IQCH: variants seen among roughly 807,000 people sequenced by gnomAD.
IQCH encodes IQ motif containing H, also known as IQ domain-containing protein H.
A neutral mutation model predicts 117.0 loss-of-function variants in IQCH; 98 were observed. The observed-to-expected ratio is 0.84, with a 90% CI of 0.71 to 0.99. IQCH has a LOEUF of 0.99. Ranked by LOEUF, IQCH falls within the 50% of genes least tolerant of loss-of-function variation. IQCH has a pLI of 0.00. For synonymous variants in IQCH, 412 were observed against 448.2 expected, an observed-to-expected ratio of 0.92 and a Z score of 1.02; for missense variants, 1,102 against 1,243.8, an observed-to-expected ratio of 0.89 and a Z score of 1.72.
At chr15:67,264,967 A>T (rs1422398546) in intron 3 of IQCH, among the ~76,000 whole-genome samples, 1 of 152,128 alleles carries the variant, frequency 6.6e-6, no homozygotes, top group Non-Finnish European at 1.5e-5. Flanking sequence ...AGAGGCCTAT[A>T]GCAGATAGAG....
Position 67,322,686 on chromosome 15 carries a change from G to A in IQCH, c.388-14289G>A, listed in dbSNP as rs531103134. On this transcript the variant is annotated intron_variant, in intron 4 of 20. Coordinates refer to ENST00000335894, the MANE Select transcript of IQCH (RefSeq NM_001031715.3). Reference sequence around the variant, plus strand: ...AGTTGTTCCTGAGCTCTTGTCCTGCGTCCAAGAAGAATGAGATCATGCTAA... The same window carrying A: ...AGTTGTTCCTGAGCTCTTGTCCTGCATCCAAGAAGAATGAGATCATGCTAA... Among the ~76,000 whole-genome samples the A allele has an allele frequency of 3.3e-5, 5 of 152,208 alleles. No individual in the cohort carries two copies. The South Asian group carries it at 6.2e-4, about 19-fold the overall frequency.
chr15:67,324,262 G>C (rs1040438954), intron 4 of IQCH, among the ~76,000 whole-genome samples: 32 of 147,828 alleles, frequency 2.2e-4, no homozygotes, highest in African/African-American at 8.0e-4. Context: ...TTTCTTAAAA[G>C]AAAGCTCATG....
Position 67,277,802 on chromosome 15 carries a change from G to A in IQCH, c.270-1593G>A, listed in dbSNP as rs1022601813. On this transcript the variant is annotated intron_variant, in intron 3 of 20. Coordinates refer to ENST00000335894, the MANE Select transcript of IQCH (RefSeq NM_001031715.3). ...CCCGCCTCAGCCTCCCAAAGTGCTG[G>A]GATTACAGGCTTGAGCCACCGCGCC... Among the ~76,000 whole-genome samples the A allele has an allele frequency of 2.6e-5, 4 of 152,020 alleles. No individual in the cohort carries two copies. In the East Asian group the frequency reaches 5.8e-4, roughly 22 times the overall value.
rs1971442064 is a variant in IQCH, at chr15:67,395,650, A to G, written c.1905+87A>G. The G allele has an allele frequency of 2.5e-6, 3 of 1,209,126 alleles. No homozygotes were observed. Among genetic ancestry groups the G allele is most frequent in the South Asian group, 2.9e-5 (2 of 68,902 alleles). The allele number at this position is 1,209,126 out of a possible 1,614,324, so 74.9% of individuals were successfully genotyped here. Reference sequence around the variant, plus strand: ...CAATTTCCAAGTCTTCTGGAGCCAGACCTACCCAATGAAGAATAGGTGGAA... The same window carrying G: ...CAATTTCCAAGTCTTCTGGAGCCAGGCCTACCCAATGAAGAATAGGTGGAA... On this transcript the variant is annotated intron_variant, in intron 13 of 20. Transcript: ENST00000335894. The surrounding 1 kb of genome is among the most constrained non-coding windows in gnomAD (Gnocchi z 4.0).
In IQCH at chr15:67,372,545, G is replaced by A. The variant is rs1970581329; in HGVS notation, c.1188G>A (p.Lys396=). ...TCTTCCTCTTTTATCGCCAGCAGAA[G>A]TGGGCATCAGGTGTGATTGCCATTG... The part of the protein sequence containing the change: ...RKFFLFYRQQ[K]WASGVIAIAW... The change falls in exon 9 of 21, where the codon AAG becomes AAA. Residue 396 remains lysine, a synonymous_variant. Transcript: ENST00000335894. 3.1e-6 allele frequency: 5 copies of A among 1,613,992 alleles called. No homozygotes were observed. The highest frequency in any genetic ancestry group is 1.3e-5 in the African/African-American group (1 of 74,892).
intron 4 of IQCH, among the ~76,000 whole-genome samples, chr15:67,321,359 C>T (rs1430331480): frequency 3.3e-5 from 5 of 152,144 alleles, no homozygotes; most frequent in Admixed American, 3.3e-4. Flanking sequence ...CTAGAACTAC[C>T]CTTTTATCAT....
At chr15:67,322,339 CA>C (rs1968174065) in intron 4 of IQCH, among the ~76,000 whole-genome samples, 1 of 152,234 alleles carries the variant, frequency 6.6e-6, no homozygotes, top group South Asian at 2.1e-4. Context: ...CATGGTATAT[CA>C]GTCTTTTCTG....
intron 18 of IQCH, among the ~76,000 whole-genome samples, chr15:67,480,435 C>T (rs2043819938): frequency 6.6e-6 from 1 of 152,160 alleles, no homozygotes. Flanking sequence ...CTCCTTCAGC[C>T]TGGGTCCCTG....
chr15:67,300,093 CTT>C (rs2140526324), intron 4 of IQCH, among the ~76,000 whole-genome samples: 2 of 152,180 alleles, frequency 1.3e-5, no homozygotes, highest in African/African-American at 4.8e-5. Context: ...CTTAGCAACT[CTT>C]TGGTGACTCT....
At chr15:67,295,629 C>T (rs1472056231) in intron 4 of IQCH, among the ~76,000 whole-genome samples, 1 of 152,158 alleles carries the variant, frequency 6.6e-6, no homozygotes, top group Non-Finnish European at 1.5e-5. Flanking sequence ...GAACAACCTA[C>T]CTCTGGACTT....
Position 67,403,677 on chromosome 15 carries a change from A to C in IQCH, c.2097+3372A>C, listed in dbSNP as rs1196076560. The C allele has an allele frequency of 6.6e-6, 1 of 152,298 alleles. No individual in the cohort carries two copies. The highest frequency in any genetic ancestry group is 1.5e-5 in the Non-Finnish European group (1 of 68,080). 9.4% of individuals were successfully genotyped at this position (152,298 alleles called of 1,614,324 possible). ...TTAGGAGGAATAAAGGCTTAAACAA[A>C]GGAAGGCAAACATGTAGGGGAGAAA... On this transcript the variant is annotated intron_variant, in intron 14 of 20. Coordinates refer to ENST00000335894, the MANE Select transcript of IQCH (RefSeq NM_001031715.3). This position sits in a 1 kb window ranked among gnomAD's most constrained non-coding sequence, Gnocchi z 4.8.
chr15:67,277,616 C>T (rs1257855944), intron 3 of IQCH, among the ~76,000 whole-genome samples: 1 of 151,424 alleles, frequency 6.6e-6, no homozygotes, highest in Non-Finnish European at 1.5e-5. Flanking sequence ...TCACTGCAAG[C>T]TCCGCCTTCC....
intron 9 of IQCH, 83 bp downstream of exon 9, chr15:67,372,745 C>T: frequency 8.4e-7 from 1 of 1,197,572 alleles, no homozygotes; most frequent in South Asian, 1.5e-5. Flanking sequence ...TTGTCTCTAT[C>T]TTCCCTTTCT....
chr15:67,357,589 C>T (rs1045914808), intron 7 of IQCH, among the ~76,000 whole-genome samples, 168 bp downstream of exon 7: 1 of 152,186 alleles, frequency 6.6e-6, no homozygotes, highest in African/African-American at 2.4e-5. Context: ...TTGTACAAGT[C>T]AACTCTAGCA....
Position 67,443,412 on chromosome 15 carries a change from T to C in IQCH, c.2506-21715T>C, listed in dbSNP as rs533363616. Among the ~76,000 whole-genome samples the C allele has an allele frequency of 6.6e-5, 10 of 152,194 alleles. No homozygotes were observed. The East Asian group carries it at 1.9e-3, about 29-fold the overall frequency. On this transcript the variant is annotated intron_variant, in intron 16 of 20. Transcript: ENST00000335894. The surrounding 1 kb of genome is among the most constrained non-coding windows in gnomAD (Gnocchi z 5.0). ...AGGCATAAGAATGATACAATCGACT[T>C]TGGGGACTTGGGGGAAAGAGTGGGA...
chr15:67,350,151 T>C (rs189646077), intron 6 of IQCH, among the ~76,000 whole-genome samples: 2 of 152,334 alleles, frequency 1.3e-5, no homozygotes, highest in African/African-American at 4.8e-5. Context: ...AGCTGATGAA[T>C]TGAGGTACAT....
chr15:67,407,643 A>C lies in IQCH; in HGVS notation c.2097+7338A>C, dbSNP rs145712073. The C allele has an allele frequency of 3.3e-5, 5 of 152,302 alleles. No individual in the cohort carries two copies. The East Asian group carries it at 9.7e-4, about 29-fold the overall frequency. The allele number at this position is 152,302 out of a possible 1,614,324, so 9.4% of individuals were successfully genotyped here. A position where few individuals can be genotyped will look rare whatever the true frequency, so the allele number is the denominator to read the frequency against. The stretch of plus-strand genomic sequence containing the variant: ...TCAGTACATAAAGCTATGGGCCTGC[A>C]GTGTTAATTTTTAATATGCTTACAA... On this transcript the variant is annotated intron_variant, in intron 14 of 20. Transcript: ENST00000335894. The surrounding 1 kb of genome is among the most constrained non-coding windows in gnomAD (Gnocchi z 5.3).
rs145081246 is a variant in IQCH at position 67,366,913 on chromosome 15, G to A, written c.754-5198G>A. ...AATAGAATACGAAAAAAATCCCCCAGGTTTTTTTCATGGTGCATAAAGTGA... is the reference window on the plus strand; with the variant it reads ...AATAGAATACGAAAAAAATCCCCCAAGTTTTTTTCATGGTGCATAAAGTGA... On this transcript the variant is annotated intron_variant, in intron 8 of 20. Transcript: ENST00000335894. This position sits in a 1 kb window ranked among gnomAD's most constrained non-coding sequence, Gnocchi z 4.4. Among the ~76,000 whole-genome samples the A allele has an allele frequency of 1.5e-3, 233 of 152,232 alleles. 5 individuals are homozygous for A. In the East Asian group the frequency reaches 0.042, roughly 27 times the overall value.
In IQCH at chr15:67,479,219, C is replaced by A. The variant is rs2083285483; in HGVS notation, c.2799+3401C>A. Among the ~76,000 whole-genome samples the A allele has an allele frequency of 6.6e-6, 1 of 152,138 alleles. No homozygotes were observed. The highest frequency in any genetic ancestry group is 1.5e-5 in the Non-Finnish European group (1 of 68,036). ...ACTTTACTTCATTATCTCATTTATT[C>A]TTCATGCCTGTCCTATAAGAAGGTG... On this transcript the variant is annotated intron_variant, in intron 18 of 20. Coordinates refer to ENST00000335894, the MANE Select transcript of IQCH (RefSeq NM_001031715.3). This position sits in a 1 kb window ranked among gnomAD's most constrained non-coding sequence, Gnocchi z 4.6.
Sources: allele counts gnomAD v4.1 joint callset (sites outside exome capture counted in the v4.1 genomes callset), GRCh38; gene constraint gnomAD v4.1.1; non-coding constraint Gnocchi (gnomAD v3.1); transcripts MANE v1.5; gene names NCBI Gene and HGNC (gene_info 2026-07-23, HGNC 2026-07-21).